Variants in PRKCH observed in about 807,000 individuals in gnomAD.
The protein encoded by PRKCH is protein kinase C eta type.
PRKCH carries 28 observed loss-of-function variants against 82.5 expected under a neutral mutation model. The ratio of observed to expected loss-of-function variants is 0.34; its 90% CI spans 0.25 to 0.47. The LOEUF (loss-of-function observed/expected upper bound fraction) is 0.47, where lower values mean the gene tolerates loss of function less well. PRKCH is among the 20% of genes least tolerant of loss of function. The pLI is 1.00. For missense variants in PRKCH, 705 were observed against 881.8 expected, an observed-to-expected ratio of 0.80 and a Z score of 2.54; for synonymous variants, 322 against 327.4, an observed-to-expected ratio of 0.98 and a Z score of 0.18.
At chr14:61,434,089 T>C (rs1883558059) in intron 2 of PRKCH, among the ~76,000 whole-genome samples, 1 of 152,202 alleles carries the variant, frequency 6.6e-6, no homozygotes, top group African/African-American at 2.4e-5. Flanking sequence ...ACATTTAAAA[T>C]GTTATCAGGA....
rs180781511 is a variant in PRKCH, at chr14:61,453,445, C to G, written c.960+92C>G. The G allele has an allele frequency of 6.7e-4, 931 of 1,381,942 alleles. 1 individual carries two copies. Among genetic ancestry groups the G allele is most frequent in the Non-Finnish European group, 8.7e-4 (888 of 1,024,410 alleles). The allele number at this position is 1,381,942 out of a possible 1,614,324, so 85.6% of individuals were successfully genotyped here. On this transcript the variant is annotated intron_variant, in intron 7 of 13. Coordinates refer to ENST00000332981, the MANE Select transcript of PRKCH (RefSeq NM_006255.5). Reference sequence around the variant, plus strand: ...AGAGCATGTGGCCTCATCAAAGTTCCTAATCTTAGCAAATACAATAAACAG... The same window carrying G: ...AGAGCATGTGGCCTCATCAAAGTTCGTAATCTTAGCAAATACAATAAACAG...
chr14:61,208,554 T>C (rs1019599428), intron 1 of PRKCH, among the ~76,000 whole-genome samples: 1 of 152,230 alleles, frequency 6.6e-6, no homozygotes, highest in African/African-American at 2.4e-5. Context: ...ATTGAATTCC[T>C]TGACTAGTTC....
intron 1 of PRKCH, among the ~76,000 whole-genome samples, chr14:61,189,914 T>C (rs13379116): frequency 0.03 from 4,573 of 152,270 alleles, 233 homozygotes; most frequent in African/African-American, 0.1. Flanking sequence ...TTCTACCTGA[T>C]AGCCCTGTTT....
chr14:61,221,237 C>T (rs948111507), intron 1 of PRKCH, among the ~76,000 whole-genome samples: 1 of 152,030 alleles, frequency 6.6e-6, no homozygotes, highest in East Asian at 1.9e-4. Flanking sequence ...CTGCCAGATC[C>T]CTGATGAGCC....
chr14:61,347,106 G>A (rs2046004350), intron 1 of PRKCH, among the ~76,000 whole-genome samples: 1 of 152,072 alleles, frequency 6.6e-6, no homozygotes, highest in Non-Finnish European at 1.5e-5. Context: ...GGACTGGTGG[G>A]GAAAGAAATC....
At chr14:61,542,092 C>T (rs927075821) in intron 12 of PRKCH, among the ~76,000 whole-genome samples, 17 of 151,832 alleles carry the variant, frequency 1.1e-4, no homozygotes, top group Non-Finnish European at 2.2e-4. Flanking sequence ...GAGTTCAAAA[C>T]CAGGCTGGCC....
chr14:61,284,795 T>C (rs940547757), intron 1 of PRKCH, among the ~76,000 whole-genome samples: 7 of 152,198 alleles, frequency 4.6e-5, no homozygotes, highest in Non-Finnish European at 7.3e-5. Context: ...GCATTTCTAG[T>C]CCAAATACTG....
intron 10 of PRKCH, among the ~76,000 whole-genome samples, chr14:61,502,719 C>T (rs73307031): frequency 0.041 from 6,202 of 152,180 alleles, 419 homozygotes; most frequent in African/African-American, 0.14. Flanking sequence ...TAAAAATGAG[C>T]TCCTGCCCTC....
chr14:61,365,503 AT>A (rs1470188865), intron 1 of PRKCH, among the ~76,000 whole-genome samples: 2 of 152,194 alleles, frequency 1.3e-5, no homozygotes, highest in African/African-American at 2.4e-5. Context: ...GGGAAAATGT[AT>A]TTCACGTATT....
At chr14:61,498,656 G>C (rs1265000505) in intron 10 of PRKCH, among the ~76,000 whole-genome samples, 1 of 152,118 alleles carries the variant, frequency 6.6e-6, no homozygotes, top group Non-Finnish European at 1.5e-5. Context: ...CTGCCATCTT[G>C]CTGTGTTCTC....
rs556556412 is a variant in PRKCH, at chr14:61,373,092, C to T, written c.364-18133C>T. ...TCAGAAAATGCTCTCAGGCTGTCAC[C>T]GGGCTGAAGAACTAGTTGGGTTGTA... On this transcript the variant is annotated intron_variant, in intron 1 of 13. Coordinates refer to ENST00000332981, the MANE Select transcript of PRKCH (RefSeq NM_006255.5). 6.6e-5 allele frequency among the ~76,000 whole-genome samples: 10 copies of T among 152,010 alleles called. No homozygotes were observed. In the South Asian group the frequency reaches 1.0e-3, roughly 16 times the overall value.
At chr14:61,532,982 G>GCT (rs1264187674) in intron 12 of PRKCH, among the ~76,000 whole-genome samples, 1 of 152,156 alleles carries the variant, frequency 6.6e-6, no homozygotes, top group African/African-American at 2.4e-5. Flanking sequence ...AACACTCGAC[G>GCT]CTCTCTCTGG....
At chr14:61,419,173 C>T (rs1882707292) in intron 2 of PRKCH, among the ~76,000 whole-genome samples, 2 of 152,138 alleles carry the variant, frequency 1.3e-5, no homozygotes, top group Non-Finnish European at 2.9e-5. Context: ...AATTTAAAAG[C>T]AAATGTCTGA....
At chr14:61,242,159 C>T (rs369826955) in intron 1 of PRKCH, among the ~76,000 whole-genome samples, 14 of 152,144 alleles carry the variant, frequency 9.2e-5, no homozygotes, top group African/African-American at 2.9e-4. Flanking sequence ...TAGATAAATA[C>T]TCTTAGAGTG....
intron 11 of PRKCH, 26 bp downstream of exon 11, chr14:61,529,239 C>G: frequency 6.3e-7 from 1 of 1,588,598 alleles, no homozygotes; most frequent in Non-Finnish European, 8.6e-7. Flanking sequence ...TGATGCAGCT[C>G]TGAAATCTGA....
In PRKCH at chr14:61,453,353, G is replaced by A. The variant is rs2140289722; in HGVS notation, c.960G>A (p.Ser320=). 1 of 1,611,444 alleles carries A rather than the reference G, an allele frequency of 6.2e-7. No individual in the cohort carries two copies. The highest frequency in any genetic ancestry group is 8.5e-7 in the Non-Finnish European group (1 of 1,178,424). Residue 320 remains serine (S), a splice_region_variant and synonymous_variant, in exon 7 of 14, where the codon TCG becomes TCA. Coordinates refer to ENST00000332981, the MANE Select transcript of PRKCH (RefSeq NM_006255.5). The stretch of plus-strand genomic sequence containing the variant: ...AACCCGGAAATATTTCTCCAACCTC[G>A]GTGAGACTTTGCTTTTTTTCCATGT... ...GLQPGNISPT[S]KLVSRSTLRR...
intron 10 of PRKCH, among the ~76,000 whole-genome samples, chr14:61,506,228 A>G (rs184435806): frequency 1.3e-4 from 20 of 152,326 alleles, no homozygotes; most frequent in Admixed American, 1.1e-3. Context: ...TACTGTGCTC[A>G]GTGCAATCTA....
At chr14:61,254,562 G>A (rs761842242) in intron 1 of PRKCH, among the ~76,000 whole-genome samples, 25 of 152,154 alleles carry the variant, frequency 1.6e-4, no homozygotes, top group Non-Finnish European at 3.4e-4. Flanking sequence ...GCTGCAGTGA[G>A]CTGTGATTAC....
intron 3 of PRKCH, among the ~76,000 whole-genome samples, chr14:61,445,133 T>C (rs904561520): frequency 6.6e-6 from 1 of 152,226 alleles, no homozygotes; most frequent in Admixed American, 6.5e-5. Flanking sequence ...ACCATCATTA[T>C]CATCACCCAT....
Sources: allele counts gnomAD v4.1 joint callset (sites outside exome capture counted in the v4.1 genomes callset), GRCh38; gene constraint gnomAD v4.1.1; transcripts MANE v1.5; gene names NCBI Gene and HGNC (gene_info 2026-07-23, HGNC 2026-07-21).